Variants in NPAS2 observed in about 807,000 individuals in gnomAD.
NPAS2 encodes neuronal PAS domain protein 2.
NPAS2 carries 23 observed loss-of-function variants against 107.5 expected under a neutral mutation model. That is an observed-to-expected ratio of 0.21 (90% CI 0.15 to 0.30). The LOEUF (loss-of-function observed/expected upper bound fraction) is 0.30. NPAS2 is among the 10% of genes least tolerant of loss of function. The probability of loss-of-function intolerance (pLI) is 1.00; values close to 1 mark genes in which losing one functional copy is unlikely to be tolerated. For missense variants in NPAS2, 756 were observed against 1,043.3 expected (o/e 0.72, Z 3.79); for synonymous variants, 403 against 417.5 (o/e 0.97, Z 0.42).
At chr2:100,844,560 T>A (rs1465928911) in intron 1 of NPAS2, among the ~76,000 whole-genome samples, 1 of 152,208 alleles carries the variant, frequency 6.6e-6, no homozygotes, top group African/African-American at 2.4e-5. Context: ...CACACTGATA[T>A]GCATCGACTG....
chr2:100,888,011 G>C (rs1680821826), intron 1 of NPAS2, among the ~76,000 whole-genome samples: 1 of 152,196 alleles, frequency 6.6e-6, no homozygotes, highest in African/African-American at 2.4e-5. Flanking sequence ...GAGTGAGTGT[G>C]GTTGAATCTG....
chr2:100,861,684 A>C (rs1212394277), intron 1 of NPAS2, among the ~76,000 whole-genome samples: 1 of 152,200 alleles, frequency 6.6e-6, no homozygotes, highest in East Asian at 1.9e-4. Context: ...CCTCTTCTAC[A>C]GGTATTGAAT....
At chr2:100,950,322 GA>G (rs1675147448) in intron 7 of NPAS2, among the ~76,000 whole-genome samples, 1 of 152,126 alleles carries the variant, frequency 6.6e-6, no homozygotes, top group Non-Finnish European at 1.5e-5. Flanking sequence ...GGGAATGGGG[GA>G]AAAAAGAGGA....
At chr2:100,889,305 C>T in intron 1 of NPAS2, among the ~76,000 whole-genome samples, 1 of 152,260 alleles carries the variant, frequency 6.6e-6, no homozygotes, top group East Asian at 1.9e-4. Context: ...CTCGGCCCTA[C>T]ATTGCCTAAG....
intron 2 of NPAS2, among the ~76,000 whole-genome samples, chr2:100,909,647 T>C (rs1377525812): frequency 6.6e-6 from 1 of 152,098 alleles, no homozygotes; most frequent in Non-Finnish European, 1.5e-5. Flanking sequence ...TTTCCTTTCA[T>C]AGGCTTTGGA....
At chr2:100,955,162 A>G (rs1034569110) in intron 7 of NPAS2, among the ~76,000 whole-genome samples, 1 of 152,212 alleles carries the variant, frequency 6.6e-6, no homozygotes, top group African/African-American at 2.4e-5. Flanking sequence ...ACACTTGCTC[A>G]TACCTTGATG....
chr2:100,962,002 A>G (rs1403958405), intron 7 of NPAS2, among the ~76,000 whole-genome samples: 1 of 152,114 alleles, frequency 6.6e-6, no homozygotes, highest in Non-Finnish European at 1.5e-5. Flanking sequence ...GGAAGTTTTC[A>G]AATGTCTCTT....
At chr2:100,835,997 AGTAT>A in intron 1 of NPAS2, among the ~76,000 whole-genome samples, 1 of 152,092 alleles carries the variant, frequency 6.6e-6, no homozygotes, top group Non-Finnish European at 1.5e-5. Context: ...ACTCCTGGGG[AGTAT>A]CTCCGTAGTG....
At chr2:100,946,642 C>T (rs1674915215) in intron 5 of NPAS2, among the ~76,000 whole-genome samples, 1 of 152,208 alleles carries the variant, frequency 6.6e-6, no homozygotes, top group African/African-American at 2.4e-5. Context: ...AGCCAAGGGA[C>T]AGTTGTGACT....
In NPAS2 at chr2:100,989,808, A is replaced by C. The variant is rs368225566; in HGVS notation, c.1828-448A>C. Reference sequence around the variant, plus strand: ...GCCAGGAATGGCTGGAGGTGTAAAGAGGTAGCCAGGTAAGGCCTTTTGAAG... The same window carrying C: ...GCCAGGAATGGCTGGAGGTGTAAAGCGGTAGCCAGGTAAGGCCTTTTGAAG... On this transcript the variant is annotated intron_variant, in intron 17 of 20. Transcript: ENST00000335681. The C allele has an allele frequency of 5.0e-4, 81 of 163,636 alleles. 1 individual carries two copies. Among genetic ancestry groups the C allele is most frequent in the African/African-American group, 1.9e-3 (78 of 41,900 alleles). 10.1% of individuals were successfully genotyped at this position (163,636 alleles called of 1,614,324 possible). A position where few individuals can be genotyped will look rare whatever the true frequency, so the allele number is the denominator to read the frequency against.
At chr2:100,911,255 C>T (rs1469927409) in intron 2 of NPAS2, among the ~76,000 whole-genome samples, 2 of 152,152 alleles carry the variant, frequency 1.3e-5, no homozygotes, top group Admixed American at 6.5e-5. Context: ...ATGGTCCTTC[C>T]CCTTTCTTCA....
At chr2:100,847,356 T>C (rs938626210) in intron 1 of NPAS2, 4 of 152,232 alleles carry the variant, frequency 2.6e-5, no homozygotes, top group Non-Finnish European at 4.4e-5. Context: ...TATGTATACT[T>C]TACCACAATA....
At chr2:100,882,770 G>GTC (rs546730011) in intron 1 of NPAS2, among the ~76,000 whole-genome samples, 2 of 152,124 alleles carry the variant, frequency 1.3e-5, no homozygotes, top group African/African-American at 2.4e-5. Flanking sequence ...TGGGTGAAGT[G>GTC]TCTCTCTCTC....
At chr2:100,875,866 A>G (rs893468205) in intron 1 of NPAS2, among the ~76,000 whole-genome samples, 6 of 152,170 alleles carry the variant, frequency 3.9e-5, no homozygotes, top group Non-Finnish European at 8.8e-5. Context: ...AAACACCCAC[A>G]TGGAATCAAA....
Position 100,988,101 on chromosome 2 carries a change from T to C in NPAS2, c.1652T>C (p.Val551Ala). 6.2e-7 allele frequency: 1 copy of C among 1,614,174 alleles called. No homozygotes were observed. Among genetic ancestry groups the C allele is most frequent in the Non-Finnish European group, 8.5e-7 (1 of 1,179,996 alleles). Residue 551 changes from valine to alanine, a missense_variant, in exon 17 of 21, where the codon GTA (valine) becomes GCA (alanine). This residue lies in a region of NPAS2 where 496 missense variants were observed against 594.4 expected (regional missense o/e 0.83). Coordinates refer to ENST00000335681, the MANE Select transcript of NPAS2 (RefSeq NM_002518.4). ...CAGATGTTCCTGCAGCAGCCAGCTG[T>C]ATCCCTGAGCTTCAGCAGCACCCAG... ...NVQMFLQQPAVSLSFSSTQRP... is the reference protein window; with the variant it reads ...NVQMFLQQPAASLSFSSTQRP...
Position 100,969,207 on chromosome 2 carries a change from G to T in NPAS2, c.1055+779G>T, listed in dbSNP as rs531622771. On this transcript the variant is annotated intron_variant, in intron 11 of 20. Coordinates refer to ENST00000335681, the MANE Select transcript of NPAS2 (RefSeq NM_002518.4). The stretch of plus-strand genomic sequence containing the variant: ...TTTTTTTTTTTAAACTTTAAGTTCT[G>T]GGATTCGTGTACAGAATGTGCAGGT... Among the ~76,000 whole-genome samples the T allele has an allele frequency of 8.7e-4, 132 of 151,612 alleles. 1 individual carries two copies. The highest frequency in any genetic ancestry group is 3.0e-3 in the African/African-American group (125 of 41,306).
chr2:100,993,019 T>C (rs555438778), intron 19 of NPAS2, among the ~76,000 whole-genome samples: 1 of 150,014 alleles, frequency 6.7e-6, no homozygotes, highest in South Asian at 2.1e-4. Context: ...AGTCTCCACC[T>C]CCCGGGTTCA....
chr2:100,925,002 TG>T, intron 2 of NPAS2, 143 bp from the exon 3 acceptor site: 1 of 752,616 alleles, frequency 1.3e-6, no homozygotes, highest in Non-Finnish European at 2.1e-6. Context: ...CTTGGAAATG[TG>T]GCCAGCGTGA....
intron 1 of NPAS2, among the ~76,000 whole-genome samples, chr2:100,891,839 C>A (rs528830346): frequency 1.8e-4 from 27 of 152,314 alleles, no homozygotes; most frequent in Non-Finnish European, 1.6e-4. Flanking sequence ...TGAAGATGAG[C>A]ATTTCTGGAC....
Sources: allele counts gnomAD v4.1 joint callset (sites outside exome capture counted in the v4.1 genomes callset), GRCh38; gene constraint gnomAD v4.1.1; regional missense constraint gnomAD v4.1.1; transcripts MANE v1.5; gene names NCBI Gene and HGNC (gene_info 2026-07-23, HGNC 2026-07-21).